PTPRM: variants seen among roughly 807,000 people sequenced by gnomAD.
PTPRM encodes the protein receptor-type tyrosine-protein phosphatase mu.
In PTPRM, 47 loss-of-function variants were observed where a neutral mutation model predicts 186.7. The observed-to-expected ratio is 0.25, with a 90% CI of 0.20 to 0.32. The LOEUF is 0.32. Among genes scored for constraint, PTPRM ranks in the 10% least tolerant of loss-of-function variants. The pLI is 1.00. For missense variants in PTPRM, 1,494 were observed against 1,865.0 expected (o/e 0.80, Z 3.66); for synonymous variants, 668 against 674.9 (o/e 0.99, Z 0.16).
chr18:8,270,230 C>G (rs2094753764), intron 19 of PTPRM: 1 of 118,648 alleles, frequency 8.4e-6, no homozygotes, highest in Non-Finnish European at 1.8e-5. Context: ...TCATACAACT[C>G]AATAGCAAAA....
In PTPRM at chr18:8,195,914, C is replaced by T. The variant is rs187358993; in HGVS notation, c.2301-48144C>T. Among the ~76,000 whole-genome samples the T allele has an allele frequency of 4.4e-3, 663 of 152,234 alleles. 5 individuals are homozygous for T. The highest frequency in any genetic ancestry group is 0.015 in the African/African-American group (624 of 41,558). ...AAATAAAAAATAAAGACAAAAAAAT[C>T]AATCCTCACATCATATGAGAAAAAA... On this transcript the variant is annotated intron_variant, in intron 14 of 32. Coordinates refer to ENST00000580170, the MANE Select transcript of PTPRM (RefSeq NM_001105244.2).
intron 19 of PTPRM, among the ~76,000 whole-genome samples, chr18:8,274,291 G>T (rs917131245): frequency 1.3e-5 from 2 of 152,120 alleles, no homozygotes; most frequent in Non-Finnish European, 2.9e-5. Context: ...CGTGGAATTT[G>T]ATCTATTTTT....
At chr18:7,779,236 A>T (rs1422918509) in intron 2 of PTPRM, among the ~76,000 whole-genome samples, 4 of 152,230 alleles carry the variant, frequency 2.6e-5, no homozygotes, top group Non-Finnish European at 4.4e-5. Flanking sequence ...GAAAGTGGAT[A>T]TCAGTGTTGG....
At chr18:7,766,479 T>C (rs1270438667) in intron 1 of PTPRM, among the ~76,000 whole-genome samples, 1 of 152,128 alleles carries the variant, frequency 6.6e-6, no homozygotes, top group East Asian at 1.9e-4. Context: ...TGTGGCTCAG[T>C]GGATGGCAGA....
chr18:7,892,825 C>T (rs1315559509), intron 3 of PTPRM, among the ~76,000 whole-genome samples: 1 of 152,170 alleles, frequency 6.6e-6, no homozygotes, highest in Non-Finnish European at 1.5e-5. Flanking sequence ...TCTGTGTCCT[C>T]ACACAGTTAG....
At chr18:7,897,319 T>C (rs897737588) in intron 3 of PTPRM, among the ~76,000 whole-genome samples, 3 of 152,142 alleles carry the variant, frequency 2.0e-5, no homozygotes, top group African/African-American at 7.2e-5. Context: ...AGTTGAAAAA[T>C]AGAACATACT....
chr18:7,816,817 G>C (rs1376531413), intron 2 of PTPRM, among the ~76,000 whole-genome samples: 1 of 152,096 alleles, frequency 6.6e-6, no homozygotes, highest in East Asian at 1.9e-4. Context: ...CTTCTGGATT[G>C]AGTCATCATT....
chr18:8,152,712 CTTTTTTT>C (rs35112154), intron 14 of PTPRM, among the ~76,000 whole-genome samples: 1 of 56,928 alleles, frequency 1.8e-5, no homozygotes, highest in Non-Finnish European at 2.9e-5. Context: ...TGCCTCACCT[CTTTTTTT>C]TTTTTTTTTT....
In PTPRM at chr18:8,005,811, G is replaced by A. The variant is rs529930817; in HGVS notation, c.1132+50397G>A. On this transcript the variant is annotated intron_variant, in intron 7 of 32. Coordinates refer to ENST00000580170, the MANE Select transcript of PTPRM (RefSeq NM_001105244.2). ...GACACTCATTTTATACTTAAATATT[G>A]CCTCAATCTGTCTTTTGTATTTTAA... Among the ~76,000 whole-genome samples the A allele has an allele frequency of 9.9e-5, 15 of 152,122 alleles. No individual in the cohort carries two copies. In the South Asian group the frequency reaches 2.7e-3, roughly 27 times the overall value.
chr18:8,053,398 T>C (rs1355105110), intron 7 of PTPRM, among the ~76,000 whole-genome samples: 1 of 152,092 alleles, frequency 6.6e-6, no homozygotes, highest in Non-Finnish European at 1.5e-5. Context: ...TGAGTCAGAA[T>C]TGATTTTTGT....
chr18:7,991,667 G>A (rs1283945330), intron 7 of PTPRM, among the ~76,000 whole-genome samples: 1 of 152,090 alleles, frequency 6.6e-6, no homozygotes, highest in Non-Finnish European at 1.5e-5. Flanking sequence ...CTTAGATTTG[G>A]TTTAGTTTTA....
intron 2 of PTPRM, among the ~76,000 whole-genome samples, chr18:7,850,702 A>G (rs2046818744): frequency 6.6e-6 from 1 of 152,218 alleles, no homozygotes; most frequent in Non-Finnish European, 1.5e-5. Flanking sequence ...AAGCACTAGA[A>G]AGAAGTAATC....
At chr18:8,170,199 A>G (rs1258034192) in intron 14 of PTPRM, among the ~76,000 whole-genome samples, 2 of 152,206 alleles carry the variant, frequency 1.3e-5, no homozygotes, top group Admixed American at 1.3e-4. Flanking sequence ...TACAAGGACC[A>G]CACGATGAAT....
chr18:7,656,893 T>A (rs139550919), intron 1 of PTPRM, among the ~76,000 whole-genome samples: 15 of 152,214 alleles, frequency 9.9e-5, no homozygotes, highest in African/African-American at 3.6e-4. Flanking sequence ...TCTTGTGCAG[T>A]CATCTGGTTG....
At chr18:7,859,671 A>G (rs1003050864) in intron 2 of PTPRM, among the ~76,000 whole-genome samples, 3 of 152,192 alleles carry the variant, frequency 2.0e-5, no homozygotes, top group Non-Finnish European at 2.9e-5. Flanking sequence ...GGACCAGGGA[A>G]CCAGTCAGAA....
intron 1 of PTPRM, among the ~76,000 whole-genome samples, chr18:7,717,419 C>T (rs917411154): frequency 1.3e-5 from 2 of 152,178 alleles, no homozygotes; most frequent in East Asian, 1.9e-4. Context: ...CCTGCCCCAT[C>T]CCCTTTTTGT....
intron 1 of PTPRM, among the ~76,000 whole-genome samples, chr18:7,606,113 C>G (rs550125067): frequency 6.6e-6 from 1 of 152,088 alleles, no homozygotes; most frequent in South Asian, 2.1e-4. Flanking sequence ...TCTTTCTGAA[C>G]TGAAGACTCA....
chr18:7,901,777 G>A (rs921715460), intron 3 of PTPRM, among the ~76,000 whole-genome samples: 5 of 152,208 alleles, frequency 3.3e-5, no homozygotes, highest in Non-Finnish European at 1.5e-5. Context: ...TCTAAATTCA[G>A]ATAACTTCAT....
intron 14 of PTPRM, among the ~76,000 whole-genome samples, chr18:8,185,912 C>T (rs2093635626): frequency 6.6e-6 from 1 of 152,198 alleles, no homozygotes; most frequent in Non-Finnish European, 1.5e-5. Flanking sequence ...CTCCTCCATA[C>T]ACAGTCCTGT....
Sources: gnomAD v4.1 joint callset for allele counts (sites outside exome capture counted in the v4.1 genomes callset) on GRCh38, gnomAD v4.1.1 for gene constraint, MANE v1.5 for transcripts, NCBI Gene and HGNC (gene_info 2026-07-23, HGNC 2026-07-21) for gene names.